BABAM2: variants seen among roughly 807,000 people sequenced by gnomAD.
The protein encoded by BABAM2 is BRISC and BRCA1-A complex member 2.
BABAM2 carries 31 observed loss-of-function variants against 54.7 expected under a neutral mutation model. That is an observed-to-expected ratio of 0.57 (90% CI 0.43 to 0.77). The LOEUF is 0.77. BABAM2 is among the 30% of genes least tolerant of loss of function. The pLI is 0.00. For synonymous variants in BABAM2, 167 were observed against 162.9 expected, an observed-to-expected ratio of 1.03 and a Z score of -0.19; for missense variants, 364 against 455.8, an observed-to-expected ratio of 0.80 and a Z score of 1.83.
intron 2 of BABAM2, among the ~76,000 whole-genome samples, chr2:27,920,202 C>G (rs905894059): frequency 6.6e-6 from 1 of 152,062 alleles, no homozygotes; most frequent in Non-Finnish European, 1.5e-5. Flanking sequence ...TTTAATTTGT[C>G]CTTTTTGCTT....
chr2:28,166,586 G>GTAAGGAGATTT (rs1673701737), intron 7 of BABAM2, among the ~76,000 whole-genome samples: 1 of 152,042 alleles, frequency 6.6e-6, no homozygotes, highest in South Asian at 2.1e-4. Flanking sequence ...ATTTGAGGGT[G>GTAAGGAGATTT]GAAGGAGAGT....
intron 7 of BABAM2, among the ~76,000 whole-genome samples, chr2:28,195,013 T>C (rs1194794364): frequency 6.6e-6 from 1 of 152,202 alleles, no homozygotes; most frequent in East Asian, 1.9e-4. Context: ...ACATTTTAAA[T>C]GGGGATCATA....
chr2:28,077,353 A>G (rs972989545), intron 6 of BABAM2, among the ~76,000 whole-genome samples: 5 of 152,150 alleles, frequency 3.3e-5, no homozygotes, highest in African/African-American at 1.2e-4. Context: ...ATTTTTATGG[A>G]GTCTGTAAGC....
chr2:28,175,614 C>T (rs945466104), intron 7 of BABAM2, among the ~76,000 whole-genome samples: 1 of 152,254 alleles, frequency 6.6e-6, no homozygotes, highest in Non-Finnish European at 1.5e-5. Context: ...GTCACAGCCA[C>T]TGCTAACACA....
intron 2 of BABAM2, among the ~76,000 whole-genome samples, chr2:27,920,810 A>C (rs1303898119): frequency 1.3e-5 from 2 of 152,204 alleles, no homozygotes; most frequent in Non-Finnish European, 2.9e-5. Context: ...GAAGAATAGA[A>C]ATGGTCTAAG....
intron 6 of BABAM2, among the ~76,000 whole-genome samples, chr2:28,118,348 C>T (rs950701120): frequency 3.3e-5 from 5 of 152,136 alleles, no homozygotes; most frequent in East Asian, 1.9e-4. Context: ...CAGTGTAAAG[C>T]GTTCCTGTTT....
At chr2:28,277,696 A>G (rs1047040717) in intron 10 of BABAM2, among the ~76,000 whole-genome samples, 5 of 152,170 alleles carry the variant, frequency 3.3e-5, no homozygotes, top group Non-Finnish European at 5.9e-5. Context: ...TATTACCAAG[A>G]GCGTTCGGGC....
chr2:28,194,925 G>A (rs1677355781), intron 7 of BABAM2, among the ~76,000 whole-genome samples: 1 of 152,042 alleles, frequency 6.6e-6, no homozygotes, highest in Non-Finnish European at 1.5e-5. Flanking sequence ...TGAATTCCTG[G>A]CATCACGTGA....
At chr2:28,272,621 A>C (rs1685511842) in intron 10 of BABAM2, among the ~76,000 whole-genome samples, 1 of 152,200 alleles carries the variant, frequency 6.6e-6, no homozygotes, top group African/African-American at 2.4e-5. Context: ...GAACTTTTTC[A>C]GTTTGACTGA....
intron 2 of BABAM2, among the ~76,000 whole-genome samples, chr2:27,927,868 G>A (rs1255143075): frequency 8.1e-5 from 11 of 135,090 alleles, no homozygotes; most frequent in Non-Finnish European, 1.7e-4. Context: ...TTTTGATACA[G>A]AGTCTCACTC....
At chr2:28,148,247 A>T (rs1671688201) in intron 7 of BABAM2, among the ~76,000 whole-genome samples, 2 of 152,160 alleles carry the variant, frequency 1.3e-5, no homozygotes, top group African/African-American at 4.8e-5. Flanking sequence ...CCCTTCCCTG[A>T]TGTGATGCCC....
chr2:28,015,490 T>C (rs995983761), intron 4 of BABAM2, among the ~76,000 whole-genome samples: 14 of 152,094 alleles, frequency 9.2e-5, no homozygotes, highest in African/African-American at 3.4e-4. Flanking sequence ...CCCAAATATC[T>C]TAACCACTAA....
chr2:28,210,016 T>C (rs2147983669), intron 7 of BABAM2, among the ~76,000 whole-genome samples: 1 of 152,306 alleles, frequency 6.6e-6, no homozygotes, highest in South Asian at 2.1e-4. Context: ...TCCATTCCCA[T>C]TGTGTGTAAA....
At chr2:28,309,847 C>G in intron 11 of BABAM2, 1 of 502,198 alleles carries the variant, frequency 2.0e-6, no homozygotes, top group Non-Finnish European at 3.6e-6. Context: ...TCAGAGCCCC[C>G]GAGAAGACAA....
intron 2 of BABAM2, among the ~76,000 whole-genome samples, chr2:27,914,325 A>G (rs1394101191): frequency 6.6e-6 from 1 of 152,160 alleles, no homozygotes; most frequent in Non-Finnish European, 1.5e-5. Context: ...TCTTGTCACA[A>G]TATAGAACAA....
At chr2:27,917,262 C>T (rs770044978) in intron 2 of BABAM2, among the ~76,000 whole-genome samples, 11 of 152,014 alleles carry the variant, frequency 7.2e-5, no homozygotes, top group Non-Finnish European at 1.0e-4. Context: ...ATGATTTGCC[C>T]GCCTCATCCT....
At chr2:27,972,740 A>G (rs992830239) in intron 3 of BABAM2, among the ~76,000 whole-genome samples, 2 of 151,262 alleles carry the variant, frequency 1.3e-5, no homozygotes, top group Admixed American at 1.3e-4. Context: ...TAAAGGTTAC[A>G]TAACTTTAAT....
intron 6 of BABAM2, among the ~76,000 whole-genome samples, chr2:28,109,856 AT>A (rs1259314005): frequency 2.0e-5 from 3 of 151,722 alleles, no homozygotes; most frequent in African/African-American, 7.3e-5. Flanking sequence ...TCTTTTCTTT[AT>A]TTTTTTTATT....
chr2:28,224,642 A>G (rs918786460), intron 7 of BABAM2, among the ~76,000 whole-genome samples: 1 of 152,060 alleles, frequency 6.6e-6, no homozygotes, highest in Non-Finnish European at 1.5e-5. Flanking sequence ...CGTTTGGCCC[A>G]TTTACCATAA....
Sources: allele counts gnomAD v4.1 joint callset (sites outside exome capture counted in the v4.1 genomes callset), GRCh38; gene constraint gnomAD v4.1.1; transcripts MANE v1.5; gene names NCBI Gene and HGNC (gene_info 2026-07-23, HGNC 2026-07-21).